SNX13: variants seen among roughly 807,000 people sequenced by gnomAD.
SNX13 encodes the protein sorting nexin 13, also known as sorting nexin-13.
Under a neutral mutation model 133.6 loss-of-function variants are expected in SNX13, and 45 were observed. That is an observed-to-expected ratio of 0.34 (90% CI 0.27 to 0.43). The LOEUF (loss-of-function observed/expected upper bound fraction) is 0.43, where lower values mean the gene tolerates loss of function less well. Among genes scored for constraint, SNX13 ranks in the 20% least tolerant of loss-of-function variants. The pLI is 1.00. For missense variants in SNX13, 1,032 were observed against 1,145.1 expected, an observed-to-expected ratio of 0.90 and a Z score of 1.43; for synonymous variants, 414 against 373.9, an observed-to-expected ratio of 1.11 and a Z score of -1.24.
At chr7:17,882,980 G>A in intron 5 of SNX13, 1 of 353,328 alleles carries the variant, frequency 2.8e-6, no homozygotes, top group Non-Finnish European at 5.0e-6. Context: ...AAAACAAACA[G>A]GGTTCTTAAC....
At chr7:17,928,899 G>C (rs1238651168) in intron 1 of SNX13, among the ~76,000 whole-genome samples, 1 of 152,106 alleles carries the variant, frequency 6.6e-6, no homozygotes, top group East Asian at 1.9e-4. Flanking sequence ...AGGGGTATAT[G>C]AGAAAATTAT....
chr7:17,904,866 TA>T (rs1416149376), intron 1 of SNX13, among the ~76,000 whole-genome samples: 2 of 152,188 alleles, frequency 1.3e-5, no homozygotes, highest in Non-Finnish European at 2.9e-5. Flanking sequence ...GTAATTTCAA[TA>T]AAATGTGCTC....
intron 5 of SNX13, among the ~76,000 whole-genome samples, chr7:17,876,050 A>G (rs1291023499): frequency 1.3e-5 from 2 of 152,244 alleles, no homozygotes; most frequent in Non-Finnish European, 2.9e-5. Flanking sequence ...TTTAAAATAG[A>G]AAAAGAAATT....
chr7:17,838,090 T>C (rs1319406994), intron 13 of SNX13, among the ~76,000 whole-genome samples: 1 of 152,020 alleles, frequency 6.6e-6, no homozygotes, highest in East Asian at 1.9e-4. Flanking sequence ...AACATTTTTC[T>C]TGTCCTATAC....
chr7:17,844,973 G>C lies in SNX13; in HGVS notation c.1165+622C>G, dbSNP rs557718329. ...TGAAAGACAAAATACTTTTCTTTAA[G>C]ATCAGGAACAAGACAAAGATTAAGA... On this transcript the variant is annotated intron_variant, in intron 12 of 25. Coordinates refer to ENST00000428135, the MANE Select transcript of SNX13 (RefSeq NM_015132.5). Among the ~76,000 whole-genome samples the C allele has an allele frequency of 3.3e-5, 5 of 152,174 alleles. No homozygotes were observed. In the East Asian group the frequency reaches 9.6e-4, roughly 29 times the overall value.
At chr7:17,919,735 T>C (rs1799924164) in intron 1 of SNX13, among the ~76,000 whole-genome samples, 1 of 152,216 alleles carries the variant, frequency 6.6e-6, no homozygotes, top group Admixed American at 6.5e-5. Context: ...ACAAGCATCA[T>C]TTAACGTAAT....
rs1791132171 is a variant in SNX13, at chr7:17,850,975, G to A, written c.838-11C>T. The A allele has an allele frequency of 6.3e-7, 1 of 1,593,746 alleles. No individual in the cohort carries two copies. The highest frequency in any genetic ancestry group is 8.5e-7 in the Non-Finnish European group (1 of 1,171,520). On this transcript the variant is annotated splice_polypyrimidine_tract_variant and intron_variant, in intron 9 of 25. Transcript: ENST00000428135. ...GTTAGAATCACGGATCTGAAAACAA[G>A]TTTAAGAAAAACAGGTGGGAGAGGA...
At chr7:17,880,619 T>C (rs544762729) in intron 5 of SNX13, 2 of 152,268 alleles carry the variant, frequency 1.3e-5, no homozygotes, top group African/African-American at 2.4e-5. Flanking sequence ...CAGAAGTGGA[T>C]AGATGTAATA....
intron 1 of SNX13, among the ~76,000 whole-genome samples, chr7:17,933,479 C>G (rs10231926): frequency 0.6 from 90,992 of 151,354 alleles, 27,852 homozygotes; most frequent in Admixed American, 0.66. Context: ...TGAGACAGAG[C>G]TTGCAGTGAG....
At chr7:17,929,277 T>A (rs1418388135) in intron 1 of SNX13, among the ~76,000 whole-genome samples, 1 of 152,094 alleles carries the variant, frequency 6.6e-6, no homozygotes, top group Non-Finnish European at 1.5e-5. Flanking sequence ...CTTAATGGCA[T>A]AATCTCCAAC....
intron 9 of SNX13, among the ~76,000 whole-genome samples, chr7:17,858,714 A>G (rs1792243004): frequency 6.6e-6 from 1 of 152,160 alleles, no homozygotes; most frequent in Non-Finnish European, 1.5e-5. Context: ...TCCCATTTCA[A>G]TATTACGATA....
intron 5 of SNX13, chr7:17,888,088 T>C (rs1447124817): frequency 6.6e-6 from 1 of 152,100 alleles, no homozygotes; most frequent in Non-Finnish European, 1.5e-5. Context: ...CATATATTTG[T>C]GTAGTAATAG....
intron 1 of SNX13, among the ~76,000 whole-genome samples, chr7:17,920,385 G>A (rs1395778086): frequency 3.9e-5 from 6 of 152,146 alleles, no homozygotes; most frequent in Admixed American, 3.9e-4. Flanking sequence ...AGGTTTGAAT[G>A]AACTCTTCAT....
At chr7:17,844,256 A>C (rs1790238905) in intron 12 of SNX13, among the ~76,000 whole-genome samples, 1 of 152,010 alleles carries the variant, frequency 6.6e-6, no homozygotes, top group Non-Finnish European at 1.5e-5. Flanking sequence ...ACTCTACAAA[A>C]CTAAAAGTAC....
chr7:17,923,517 T>C (rs1448049314), intron 1 of SNX13, among the ~76,000 whole-genome samples: 2 of 152,164 alleles, frequency 1.3e-5, no homozygotes, highest in Admixed American at 6.6e-5. Context: ...ATTTGAGCTA[T>C]AATTCTTAGA....
intron 9 of SNX13, among the ~76,000 whole-genome samples, chr7:17,866,539 C>T (rs1010452358): frequency 4.0e-5 from 6 of 151,614 alleles, no homozygotes; most frequent in African/African-American, 1.2e-4. Flanking sequence ...GGTACATACA[C>T]AAAATAGAAT....
intron 1 of SNX13, among the ~76,000 whole-genome samples, chr7:17,903,707 C>T (rs1798095848): frequency 6.6e-6 from 1 of 152,178 alleles, no homozygotes; most frequent in East Asian, 1.9e-4. Flanking sequence ...CAAATCTTGA[C>T]TCTTTAACCC....
chr7:17,878,587 C>A (rs544371566), intron 5 of SNX13, among the ~76,000 whole-genome samples: 1 of 152,172 alleles, frequency 6.6e-6, no homozygotes, highest in African/African-American at 2.4e-5. Flanking sequence ...TCGTATCCCT[C>A]GCCACCATTC....
At chr7:17,836,254 T>C (rs934722819) in intron 13 of SNX13, among the ~76,000 whole-genome samples, 8 of 151,954 alleles carry the variant, frequency 5.3e-5, no homozygotes, top group African/African-American at 1.9e-4. Flanking sequence ...TGATAGCTCA[T>C]GCTTGTAATC....
Sources: gnomAD v4.1 joint callset for allele counts (sites outside exome capture counted in the v4.1 genomes callset) on GRCh38, gnomAD v4.1.1 for gene constraint, MANE v1.5 for transcripts, NCBI Gene and HGNC (gene_info 2026-07-23, HGNC 2026-07-21) for gene names.